The following FGF12 variants were observed in gnomAD, a reference collection of about 807,000 sequenced individuals.
FGF12 encodes the protein fibroblast growth factor 12B.
In FGF12, 14 loss-of-function variants were observed where a neutral mutation model predicts 23.6. The ratio of observed to expected loss-of-function variants is 0.59; its 90% CI spans 0.39 to 0.93. FGF12 has a LOEUF of 0.93. Ranked by LOEUF, FGF12 falls within the 40% of genes least tolerant of loss-of-function variation. The pLI, the probability that FGF12 is intolerant of heterozygous loss-of-function variation, is 0.00. For missense variants in FGF12, 175 were observed against 217.8 expected (o/e 0.80, Z 1.24); for synonymous variants, 62 against 77.3 (o/e 0.80, Z 1.04).
intron 2 of FGF12, among the ~76,000 whole-genome samples, chr3:192,368,414 G>A (rs1467478095): frequency 6.6e-6 from 1 of 152,218 alleles, no homozygotes; most frequent in Non-Finnish European, 1.5e-5. Flanking sequence ...GATAGAGCAT[G>A]CAAGGGATGG....
chr3:192,725,393 T>C (rs768935690), intron 2 of FGF12, among the ~76,000 whole-genome samples: 8 of 152,062 alleles, frequency 5.3e-5, no homozygotes, highest in African/African-American at 9.7e-5. Context: ...ATTCACTATA[T>C]CATTGCTGTC....
chr3:192,673,327 T>C (rs1425092802), intron 2 of FGF12: 2 of 151,126 alleles, frequency 1.3e-5, no homozygotes, highest in African/African-American at 2.4e-5. Context: ...TTAAGTATTA[T>C]AATAAATTGC....
At chr3:192,544,637 T>C (rs147764290) in intron 2 of FGF12, among the ~76,000 whole-genome samples, 1 of 152,320 alleles carries the variant, frequency 6.6e-6, no homozygotes, top group East Asian at 1.9e-4. Flanking sequence ...GATTTCTCTC[T>C]ACAACACTTT....
chr3:192,337,189 G>A (rs1373722318), intron 3 of FGF12, among the ~76,000 whole-genome samples: 1 of 152,122 alleles, frequency 6.6e-6, no homozygotes, highest in Non-Finnish European at 1.5e-5. Flanking sequence ...ATAATTAAAT[G>A]TAATATATGC....
At chr3:192,611,604 A>G (rs753144397) in intron 2 of FGF12, among the ~76,000 whole-genome samples, 2 of 151,992 alleles carry the variant, frequency 1.3e-5, no homozygotes, top group Non-Finnish European at 2.9e-5. Flanking sequence ...CAAGAAACTC[A>G]AAACCAAACC....
chr3:192,161,832 C>A (rs1028296379), intron 5 of FGF12, among the ~76,000 whole-genome samples: 1 of 152,098 alleles, frequency 6.6e-6, no homozygotes, highest in Non-Finnish European at 1.5e-5. Flanking sequence ...GTATTCTTGA[C>A]AGATCCTTTG....
intron 2 of FGF12, among the ~76,000 whole-genome samples, chr3:192,577,690 T>C (rs1211272596): frequency 6.6e-6 from 1 of 152,228 alleles, no homozygotes; most frequent in Non-Finnish European, 1.5e-5. Context: ...AATTTGTCAT[T>C]ATATATTTGA....
intron 4 of FGF12, among the ~76,000 whole-genome samples, chr3:192,233,891 G>A (rs1036180243): frequency 3.9e-5 from 6 of 151,964 alleles, no homozygotes; most frequent in Admixed American, 2.0e-4. Flanking sequence ...TCTAATATTG[G>A]TCTATGTGTC....
At chr3:192,518,965 CT>C (rs148484658) in intron 2 of FGF12, among the ~76,000 whole-genome samples, 3,810 of 151,962 alleles carry the variant, frequency 0.025, 163 homozygotes, top group African/African-American at 0.085. Flanking sequence ...ATTTTCCAAA[CT>C]TTTTTATCAT....
chr3:192,578,309 T>C (rs1170599050), intron 2 of FGF12, among the ~76,000 whole-genome samples: 1 of 152,200 alleles, frequency 6.6e-6, no homozygotes, highest in Non-Finnish European at 1.5e-5. Flanking sequence ...TTATTCTCCT[T>C]GTTCCTTTCT....
At chr3:192,633,987 T>G (rs568694388) in intron 2 of FGF12, among the ~76,000 whole-genome samples, 3 of 152,312 alleles carry the variant, frequency 2.0e-5, no homozygotes, top group African/African-American at 7.2e-5. Context: ...ATCTGCATGC[T>G]CAAAATCCAT....
intron 2 of FGF12, among the ~76,000 whole-genome samples, chr3:192,537,022 A>C (rs1725240310): frequency 6.6e-6 from 1 of 152,146 alleles, no homozygotes; most frequent in Non-Finnish European, 1.5e-5. Context: ...TTTAATTTTT[A>C]GCTCTCACAA....
At chr3:192,154,657 G>C (rs1430218875) in intron 5 of FGF12, among the ~76,000 whole-genome samples, 4 of 146,558 alleles carry the variant, frequency 2.7e-5, no homozygotes, top group Non-Finnish European at 6.0e-5. Context: ...CACTTGAGGA[G>C]GTAGTCTGCC....
chr3:192,267,497 G>A (rs1397795795), intron 4 of FGF12, among the ~76,000 whole-genome samples: 2 of 152,044 alleles, frequency 1.3e-5, no homozygotes, highest in South Asian at 2.1e-4. Flanking sequence ...AACATTAGTA[G>A]GGGCCAAGAA....
intron 4 of FGF12, among the ~76,000 whole-genome samples, chr3:192,272,611 G>C (rs1321535393): frequency 6.6e-6 from 1 of 152,066 alleles, no homozygotes; most frequent in Admixed American, 6.6e-5. Flanking sequence ...TTCCCTATTT[G>C]AGTAAAACAA....
intron 4 of FGF12, among the ~76,000 whole-genome samples, chr3:192,262,657 C>A (rs1286148443): frequency 5.9e-5 from 9 of 152,074 alleles, no homozygotes. Context: ...ACCATTCAGC[C>A]CAGGTGTGTA....
chr3:192,627,980 A>AC (rs1387632418), intron 2 of FGF12, among the ~76,000 whole-genome samples: 3 of 151,986 alleles, frequency 2.0e-5, no homozygotes, highest in Non-Finnish European at 4.4e-5. Flanking sequence ...CCTTTTATAA[A>AC]CATACTCTCC....
chr3:192,165,386 ATATGTT>A (rs1715108009), intron 5 of FGF12, among the ~76,000 whole-genome samples: 1 of 152,150 alleles, frequency 6.6e-6, no homozygotes, highest in Admixed American at 6.5e-5. Context: ...AATAAAGAAA[ATATGTT>A]TAGACCAGTT....
chr3:192,195,783 C>T (rs1009617139), intron 4 of FGF12, among the ~76,000 whole-genome samples: 5 of 152,200 alleles, frequency 3.3e-5, no homozygotes, highest in Admixed American at 3.3e-4. Context: ...CACACACACA[C>T]GCACACACAC....
Sources: gnomAD v4.1 joint callset for allele counts (sites outside exome capture counted in the v4.1 genomes callset) on GRCh38, gnomAD v4.1.1 for gene constraint, MANE v1.5 for transcripts, NCBI Gene and HGNC (gene_info 2026-07-23, HGNC 2026-07-21) for gene names.